MTIF2: variants seen among roughly 807,000 people sequenced by gnomAD.
The protein encoded by MTIF2 is translation initiation factor IF-2, mitochondrial.
MTIF2 carries 71 observed loss-of-function variants against 83.5 expected under a neutral mutation model. That is an observed-to-expected ratio of 0.85 (90% CI 0.70 to 1.04). The LOEUF is 1.04. Among genes scored for constraint, MTIF2 ranks in the 50% least tolerant of loss-of-function variants. MTIF2 has a pLI of 0.00. For missense variants in MTIF2, 957 were observed against 846.5 expected (o/e 1.13, Z -1.62); for synonymous variants, 319 against 287.1 (o/e 1.11, Z -1.12).
intron 3 of MTIF2, among the ~76,000 whole-genome samples, chr2:55,264,216 T>C (rs1456765632): frequency 6.6e-6 from 1 of 152,224 alleles, no homozygotes; most frequent in African/African-American, 2.4e-5. Context: ...ATAACATTTC[T>C]GTTAAACACC....
At chr2:55,250,237 A>G (rs528052943) in intron 8 of MTIF2, among the ~76,000 whole-genome samples, 1 of 152,218 alleles carries the variant, frequency 6.6e-6, no homozygotes, top group South Asian at 2.1e-4. Flanking sequence ...AAAGCCATGT[A>G]AGGAAGTTTC....
intron 3 of MTIF2, among the ~76,000 whole-genome samples, chr2:55,265,642 C>T (rs1452618131): frequency 2.6e-5 from 4 of 151,950 alleles, no homozygotes; most frequent in Admixed American, 6.6e-5. Flanking sequence ...CTTTAGTTAA[C>T]ATTTTAATAT....
In MTIF2 at chr2:55,243,297, AG is replaced by A. The variant is rs1297529780; in HGVS notation, c.1564+118del. ...AAATCAGCAAGAAATATGTTGACTAAGAAAAACTCTCCTAAAATATTGAAAT... is the reference window on the plus strand; with the variant it reads ...AAATCAGCAAGAAATATGTTGACTAAAAAAACTCTCCTAAAATATTGAAAT... On this transcript the variant is annotated intron_variant, in intron 12 of 15. Coordinates refer to ENST00000263629, the MANE Select transcript of MTIF2 (RefSeq NM_002453.3). 29 of 1,168,322 alleles carry A rather than the reference AG, an allele frequency of 2.5e-5. 1 individual carries two copies. The highest frequency in any genetic ancestry group is 3.0e-5 in the Non-Finnish European group (25 of 846,290). The allele number at this position is 1,168,322 out of a possible 1,614,324, so 72.4% of individuals were successfully genotyped here.
rs1676484731 is a variant in MTIF2, at chr2:55,243,633, A to G, written c.1347T>C (p.Tyr449=). The change falls in exon 12 of 16, where the codon TAT becomes TAC. Residue 449 remains tyrosine (Y), a synonymous_variant. Transcript: ENST00000263629. The stretch of plus-strand genomic sequence containing the variant: ...CCTGACCTTTCTCCTGTTCTTGTTC[A>G]TATTTCCTCCAGTCAACAACTTCAC... ...RAREVVDWRK[Y]EQEQEKGQED... 3.7e-6 allele frequency: 6 copies of G among 1,613,776 alleles called. No individual in the cohort carries two copies. The highest frequency in any genetic ancestry group is 1.1e-5 in the South Asian group (1 of 91,004).
At chr2:55,240,267 T>C in intron 13 of MTIF2, 92 bp from the exon 14 acceptor site, 1 of 1,216,354 alleles carries the variant, frequency 8.2e-7, no homozygotes, top group Non-Finnish European at 1.1e-6. Flanking sequence ...ATCTAAATTG[T>C]TTTATTTTCT....
At chr2:55,240,879 T>C (rs1289642403) in intron 13 of MTIF2, among the ~76,000 whole-genome samples, 8 of 152,174 alleles carry the variant, frequency 5.3e-5, no homozygotes, top group Admixed American at 5.2e-4. Context: ...AATTATAATC[T>C]TATTGTCTAC....
At chr2:55,260,998 T>C (rs1355525379) in intron 5 of MTIF2, among the ~76,000 whole-genome samples, 1 of 152,048 alleles carries the variant, frequency 6.6e-6, no homozygotes, top group African/African-American at 2.4e-5. Context: ...ATTTCTTTTT[T>C]TTTTTTAAGA....
intron 3 of MTIF2, among the ~76,000 whole-genome samples, chr2:55,265,959 A>G (rs1183228479): frequency 1.3e-5 from 2 of 152,200 alleles, no homozygotes; most frequent in Non-Finnish European, 2.9e-5. Context: ...TGTATTAGGT[A>G]TCATAAGTAA....
intron 5 of MTIF2, among the ~76,000 whole-genome samples, 168 bp from the exon 6 acceptor site, chr2:55,254,993 T>C (rs1217318931): frequency 6.6e-6 from 1 of 152,170 alleles, no homozygotes; most frequent in African/African-American, 2.4e-5. Context: ...GTTTTTTAAT[T>C]ATTTAAAATA....
At chr2:55,248,442 T>C (rs1231298744) in intron 9 of MTIF2, among the ~76,000 whole-genome samples, 2 of 151,720 alleles carry the variant, frequency 1.3e-5, no homozygotes, top group African/African-American at 4.8e-5. Flanking sequence ...CAGTGAATGA[T>C]CAGGAGAAAA....
At chr2:55,256,603 G>A (rs1301183249) in intron 5 of MTIF2, among the ~76,000 whole-genome samples, 2 of 151,694 alleles carry the variant, frequency 1.3e-5, no homozygotes, top group Non-Finnish European at 2.9e-5. Flanking sequence ...TACTCGGGAG[G>A]CTGAGGAGAA....
At chr2:55,255,461 C>A (rs1299935945) in intron 5 of MTIF2, among the ~76,000 whole-genome samples, 1 of 144,094 alleles carries the variant, frequency 6.9e-6, no homozygotes, top group Non-Finnish European at 1.5e-5. Flanking sequence ...ATATATAAAT[C>A]AAATATGTAA....
intron 11 of MTIF2, 111 bp downstream of exon 11, chr2:55,243,918 C>T: frequency 9.6e-7 from 1 of 1,041,694 alleles, no homozygotes; most frequent in African/African-American, 1.6e-5. Context: ...CCTCACAGCC[C>T]CTTATAATCT....
intron 9 of MTIF2, among the ~76,000 whole-genome samples, chr2:55,247,320 G>A (rs1462050439): frequency 6.6e-6 from 1 of 152,254 alleles, no homozygotes; most frequent in East Asian, 1.9e-4. Context: ...ACTTTGGGAA[G>A]CTGAGACGGG....
chr2:55,260,961 T>C (rs527807794), intron 5 of MTIF2, among the ~76,000 whole-genome samples: 1 of 152,034 alleles, frequency 6.6e-6, no homozygotes, highest in South Asian at 2.1e-4. Context: ...AATAATATTA[T>C]GAGAAGTTGT....
chr2:55,240,108 T>A lies in MTIF2; in HGVS notation c.1773A>T (p.Val591=), dbSNP rs146576525. ...AAATTATTTTGTGAAGTTTAATTTTTACTCCTTTTTTTGCAGCTGACTGTT... is the reference window on the plus strand; with the variant it reads ...AAATTATTTTGTGAAGTTTAATTTTAACTCCTTTTTTTGCAGCTGACTGTT... ...VIQQSAAKKG[V]KIKLHKIIYR... The change falls in exon 14 of 16, where the codon GTA becomes GTT. Residue 591 remains valine (V), a synonymous_variant. Coordinates refer to ENST00000263629, the MANE Select transcript of MTIF2 (RefSeq NM_002453.3). 5.6e-4 allele frequency: 904 copies of A among 1,613,950 alleles called. 3 individuals are homozygous for A. The highest frequency in any genetic ancestry group is 7.4e-4 in the Non-Finnish European group (868 of 1,180,024).
chr2:55,266,329 G>A (rs1346173170), intron 3 of MTIF2: 2 of 152,018 alleles, frequency 1.3e-5, no homozygotes, highest in Admixed American at 1.3e-4. Flanking sequence ...TTCGACGCCA[G>A]CCTGACCGAC....
chr2:55,247,509 G>C (rs531704355), intron 9 of MTIF2, among the ~76,000 whole-genome samples: 21 of 152,260 alleles, frequency 1.4e-4, no homozygotes, highest in African/African-American at 3.9e-4. Context: ...CCAAGATCAT[G>C]CCACTGCTCT....
At chr2:55,242,884 G>A in intron 13 of MTIF2, 56 bp downstream of exon 13, 1 of 1,535,950 alleles carries the variant, frequency 6.5e-7, no homozygotes, top group South Asian at 1.3e-5. Flanking sequence ...GACAGAAGCA[G>A]ATGGTTCAGT....
Sources: gnomAD v4.1 joint callset for allele counts (sites outside exome capture counted in the v4.1 genomes callset) on GRCh38, gnomAD v4.1.1 for gene constraint, MANE v1.5 for transcripts, NCBI Gene and HGNC (gene_info 2026-07-23, HGNC 2026-07-21) for gene names.